The following OST4 variants were observed in gnomAD, a reference collection of about 807,000 sequenced individuals.
OST4 encodes dolichyl-diphosphooligosaccharide--protein glycosyltransferase subunit 4.
A neutral mutation model predicts 2.1 loss-of-function variants in OST4; 3 were observed. The ratio of observed to expected loss-of-function variants is 1.42; its 90% confidence interval spans 0.65 to 3.67. OST4 has a LOEUF of 3.67. Among genes scored for constraint, OST4 ranks in the 30% most tolerant of loss-of-function variants. The probability of loss-of-function intolerance (pLI) is 0.03; values close to 1 mark genes in which losing one functional copy is unlikely to be tolerated. For synonymous variants in OST4, 23 were observed against 21.6 expected, an observed-to-expected ratio of 1.06 and a Z score of -0.18; for missense variants, 52 against 47.1, an observed-to-expected ratio of 1.10 and a Z score of -0.30.
Position 27,071,061 on chromosome 2 carries a change from C to T in OST4, c.*23+265G>A, listed in dbSNP as rs144958703. On this transcript the variant is annotated intron_variant, in intron 2 of 2. Transcript: ENST00000456793. ...CCTTCGTTCCTACCGGTGTCAGTGC[C>T]TCCTTACAACTATACTCCCAACTTG... Among the ~76,000 whole-genome samples the T allele has an allele frequency of 1.9e-3, 297 of 152,324 alleles. 2 individuals are homozygous for T. Among genetic ancestry groups the T allele is most frequent in the African/African-American group, 6.9e-3 (285 of 41,568 alleles).
Position 27,071,653 on chromosome 2 carries a change from A to C in OST4, c.-54T>G, listed in dbSNP as rs1482408609. On this transcript the variant is annotated 5_prime_UTR_variant, in exon 1 of 3. Coordinates refer to ENST00000456793, the MANE Select transcript of OST4 (RefSeq NM_001134693.2). Reference sequence around the variant, plus strand: ...CACCAGCGAACAAGCCCGAAGTCAGAGACCTGGACCGGAACTTCGTAGCGC... The same window carrying C: ...CACCAGCGAACAAGCCCGAAGTCAGCGACCTGGACCGGAACTTCGTAGCGC... 18 of 485,526 alleles carry C rather than the reference A, an allele frequency of 3.7e-5. No homozygotes were observed. In the Admixed American group the frequency reaches 7.0e-4, roughly 19 times the overall value. The allele number at this position is 485,526 out of a possible 1,614,324, so 30.1% of individuals were successfully genotyped here. A position where few individuals can be genotyped will look rare whatever the true frequency, so the allele number is the denominator to read the frequency against.
intron 2 of OST4, 145 bp from the exon 3 acceptor site, chr2:27,070,866 C>T (rs1669249961): frequency 1.3e-5 from 2 of 156,818 alleles, no homozygotes; most frequent in African/African-American, 4.8e-5. Flanking sequence ...CCTTCCTTCT[C>T]TATAGTTTGG....
chr2:27,070,908 G>A (rs1220129171), intron 2 of OST4, among the ~76,000 whole-genome samples, 187 bp from the exon 3 acceptor site: 3 of 152,050 alleles, frequency 2.0e-5, no homozygotes, highest in African/African-American at 7.2e-5. Context: ...TCAGAACATG[G>A]AAACAGAATT....
rs1184563034 is a variant in OST4 at position 27,071,438 on chromosome 2, T to C, written c.25A>G (p.Ile9Val). The C allele has an allele frequency of 2.6e-6, 4 of 1,551,592 alleles. No individual in the cohort carries two copies. Among genetic ancestry groups the C allele is most frequent in the Non-Finnish European group, 3.5e-6 (4 of 1,146,934 alleles). ...GACACGCCCAGCATGTTGGCGAAGA[T>C]GGCGAGCTGCACGTCCGTGATCATC... MITDVQLA[I>V]FANMLGVSLF... Residue 9 changes from isoleucine to valine, a missense_variant, in exon 2 of 3, where the codon ATC becomes GTC. Transcript: ENST00000456793.
At chr2:27,071,559 C>T (rs1669273320) in intron 1 of OST4, 42 bp downstream of exon 1, 2 of 832,482 alleles carry the variant, frequency 2.4e-6, no homozygotes, top group Non-Finnish European at 1.8e-6. Flanking sequence ...GCCACGGCCA[C>T]GGCGGGGCTG....
rs1287565827 is a variant in OST4 at position 27,071,471 on chromosome 2, GAA to G, written c.-1-10_-1-9del. The G allele has an allele frequency of 2.6e-6, 4 of 1,547,288 alleles. No homozygotes were observed. The African/African-American group carries it at 4.1e-5, about 16-fold the overall frequency. Reference sequence around the variant, plus strand: ...TGCACGTCCGTGATCATCCTGCGGAGAAGAGAGGGGCTGAGCTGCGGGCTGGC... The same window carrying G: ...TGCACGTCCGTGATCATCCTGCGGAGGAGAGGGGCTGAGCTGCGGGCTGGC... On this transcript the variant is annotated splice_polypyrimidine_tract_variant and intron_variant, in intron 1 of 2. Coordinates refer to ENST00000456793, the MANE Select transcript of OST4 (RefSeq NM_001134693.2).
In OST4 at chr2:27,071,445, C is replaced by G. The variant is rs1181711839; in HGVS notation, c.18G>C (p.Gln6His). Residue 6 changes from glutamine to histidine, a missense_variant, in exon 2 of 3, where the codon CAG becomes CAC. By Grantham distance (24) the Gln-to-His change is conservative. Coordinates refer to ENST00000456793, the MANE Select transcript of OST4 (RefSeq NM_001134693.2). MITDVQLAIFANMLGV... is the reference protein window; with the variant it reads MITDVHLAIFANMLGV... ...CCAGCATGTTGGCGAAGATGGCGAGCTGCACGTCCGTGATCATCCTGCGGA... is the reference window on the plus strand; with the variant it reads ...CCAGCATGTTGGCGAAGATGGCGAGGTGCACGTCCGTGATCATCCTGCGGA... The G allele has an allele frequency of 3.2e-6, 5 of 1,551,416 alleles. No homozygotes were observed. In the Admixed American group the frequency reaches 9.8e-5, roughly 30 times the overall value.
At position 27,071,628 on chromosome 2, in the gene OST4, C is replaced by T. The variant is rs868038380; in HGVS notation, c.-29G>A. 7.5e-6 allele frequency: 4 copies of T among 529,986 alleles called. No homozygotes were observed. The highest frequency in any genetic ancestry group is 1.3e-5 in the Non-Finnish European group (4 of 301,996). 32.8% of individuals were successfully genotyped at this position (529,986 alleles called of 1,614,324 possible). A position where few individuals can be genotyped will look rare whatever the true frequency, so the allele number is the denominator to read the frequency against. On this transcript the variant is annotated 5_prime_UTR_variant, in exon 1 of 3. Coordinates refer to ENST00000456793, the MANE Select transcript of OST4 (RefSeq NM_001134693.2). ...GACCAGTCCGGCTCGGCTCCGACGC[C>T]ACCAGCGAACAAGCCCGAAGTCAGA...
Position 27,071,400 on chromosome 2 carries a change from A to T in OST4, c.63T>A (p.Leu21=). 1 of 1,551,702 alleles carries T rather than the reference A, an allele frequency of 6.4e-7. No individual in the cohort carries two copies. The highest frequency in any genetic ancestry group is 1.4e-5 in the African/African-American group (1 of 73,184). The change falls in exon 2 of 3, where the codon CTT becomes CTA. Residue 21 remains leucine (L), a synonymous_variant. Coordinates refer to ENST00000456793, the MANE Select transcript of OST4 (RefSeq NM_001134693.2). The part of the protein sequence containing the change: ...ANMLGVSLFL[L]VVLYHYVAVN... ...CGGCCACGTAGTGATAGAGAACGAC[A>T]AGCAAGAAGAGCGACACGCCCAGCA...
intron 2 of OST4, among the ~76,000 whole-genome samples, chr2:27,070,943 A>C (rs1001155224): frequency 6.6e-6 from 1 of 152,148 alleles, no homozygotes; most frequent in African/African-American, 2.4e-5. Context: ...CCCCTCACCA[A>C]AAAAAATCTG....
Position 27,071,638 on chromosome 2 carries a change from C to A in OST4, c.-39G>T. ...GCTCGGCTCCGACGCCACCAGCGAACAAGCCCGAAGTCAGAGACCTGGACC... is the reference window on the plus strand; with the variant it reads ...GCTCGGCTCCGACGCCACCAGCGAAAAAGCCCGAAGTCAGAGACCTGGACC... On this transcript the variant is annotated 5_prime_UTR_variant, in exon 1 of 3. Transcript: ENST00000456793. 1.9e-6 allele frequency: 1 copy of A among 523,764 alleles called. No individual in the cohort carries two copies. The highest frequency in any genetic ancestry group is 3.2e-5 in the East Asian group (1 of 31,412). The allele number at this position is 523,764 out of a possible 1,614,324, so 32.4% of individuals were successfully genotyped here.
chr2:27,070,555 G>A lies in OST4; in HGVS notation c.*190C>T, dbSNP rs1473098454. Reference sequence around the variant, plus strand: ...AAGCCCCTATACTGGGCCCTATTCAGTGGCAGCTTCTTGTTCCATAGGATT... The same window carrying A: ...AAGCCCCTATACTGGGCCCTATTCAATGGCAGCTTCTTGTTCCATAGGATT... On this transcript the variant is annotated 3_prime_UTR_variant, in exon 3 of 3. Coordinates refer to ENST00000456793, the MANE Select transcript of OST4 (RefSeq NM_001134693.2). 1 of 335,302 alleles carries A rather than the reference G, an allele frequency of 3.0e-6. No homozygotes were observed. The highest frequency in any genetic ancestry group is 6.9e-5 in the South Asian group (1 of 14,592). 20.8% of individuals were successfully genotyped at this position (335,302 alleles called of 1,614,324 possible). A position where few individuals can be genotyped will look rare whatever the true frequency, so the allele number is the denominator to read the frequency against.
chr2:27,071,542 AGCCACG>A (rs918049226), intron 1 of OST4, 53 bp downstream of exon 1: 25 of 1,190,694 alleles, frequency 2.1e-5, no homozygotes, highest in South Asian at 1.4e-4. Flanking sequence ...CCCACGGGCC[AGCCACG>A]GCCACGGCCA....
chr2:27,071,474 G>A lies in OST4; in HGVS notation c.-1-11C>T, dbSNP rs772189580. 2.5e-5 allele frequency: 38 copies of A among 1,545,492 alleles called. No individual in the cohort carries two copies. In the South Asian group the frequency reaches 3.6e-4, roughly 15 times the overall value. ...ACGTCCGTGATCATCCTGCGGAGAAGAGAGGGGCTGAGCTGCGGGCTGGCG... is the reference window on the plus strand; with the variant it reads ...ACGTCCGTGATCATCCTGCGGAGAAAAGAGGGGCTGAGCTGCGGGCTGGCG... On this transcript the variant is annotated splice_polypyrimidine_tract_variant and intron_variant, in intron 1 of 2. Coordinates refer to ENST00000456793, the MANE Select transcript of OST4 (RefSeq NM_001134693.2).
chr2:27,071,180 T>C (rs1669261481), intron 2 of OST4, 146 bp downstream of exon 2: 2 of 589,096 alleles, frequency 3.4e-6, no homozygotes, highest in South Asian at 4.0e-5. Flanking sequence ...GCTCTCTCTC[T>C]ACTCTGTGCA....
chr2:27,071,479 G>C lies in OST4; in HGVS notation c.-1-16C>G, dbSNP rs1425287310. 1 of 1,543,028 alleles carries C rather than the reference G, an allele frequency of 6.5e-7. No homozygotes were observed. The highest frequency in any genetic ancestry group is 2.4e-5 in the East Asian group (1 of 40,860). ...CGTGATCATCCTGCGGAGAAGAGAGGGGCTGAGCTGCGGGCTGGCGCACTC... is the reference window on the plus strand; with the variant it reads ...CGTGATCATCCTGCGGAGAAGAGAGCGGCTGAGCTGCGGGCTGGCGCACTC... On this transcript the variant is annotated splice_polypyrimidine_tract_variant and intron_variant, in intron 1 of 2. Transcript: ENST00000456793.
chr2:27,071,493 G>A (rs1463778842), intron 1 of OST4, 30 bp from the exon 2 acceptor site: 3 of 1,519,390 alleles, frequency 2.0e-6, no homozygotes, highest in Non-Finnish European at 2.7e-6. Flanking sequence ...TGAGCTGCGG[G>A]CTGGCGCACT....
Position 27,070,610 on chromosome 2 carries a change from T to A in OST4, c.*135A>T. The A allele has an allele frequency of 4.7e-6, 1 of 213,360 alleles. No homozygotes were observed. The highest frequency in any genetic ancestry group is 1.1e-4 in the South Asian group (1 of 8,952). 13.2% of individuals were successfully genotyped at this position (213,360 alleles called of 1,614,324 possible). A position where few individuals can be genotyped will look rare whatever the true frequency, so the allele number is the denominator to read the frequency against. ...AAGACTCTGAGGAAATAAAAGTTGT[T>A]TGGAAAAATCCAGGTGTAGTTGCTT... is the stretch of plus-strand genomic sequence containing the variant. On this transcript the variant is annotated 3_prime_UTR_variant, in exon 3 of 3. Coordinates refer to ENST00000456793, the MANE Select transcript of OST4 (RefSeq NM_001134693.2).
Position 27,071,599 on chromosome 2 carries a change from A to C in OST4, c.-2+2T>G, listed in dbSNP as rs1669274869. 6.5e-6 allele frequency: 4 copies of C among 613,104 alleles called. No homozygotes were observed. The highest frequency in any genetic ancestry group is 1.1e-5 in the Non-Finnish European group (4 of 357,158). The allele number at this position is 613,104 out of a possible 1,614,324, so 38.0% of individuals were successfully genotyped here. ...GTGGGACGGCCCCTGCGTGCCTCTG[A>C]CCTGACCAGTCCGGCTCGGCTCCGA... On this transcript the variant is annotated splice_donor_variant, in intron 1 of 2. Transcript: ENST00000456793. LOFTEE classifies it low-confidence loss of function (5UTR_SPLICE).
Sources: gnomAD v4.1 joint callset for allele counts (sites outside exome capture counted in the v4.1 genomes callset) on GRCh38, gnomAD v4.1.1 for gene constraint, MANE v1.5 for transcripts, NCBI Gene and HGNC (gene_info 2026-07-23, HGNC 2026-07-21) for gene names.